Variants in LIG1 observed in about 807,000 individuals in gnomAD.
LIG1 encodes the protein DNA ligase 1.
A neutral mutation model predicts 115.7 loss-of-function variants in LIG1; 70 were observed. The ratio of observed to expected loss-of-function variants is 0.60; its 90% CI spans 0.50 to 0.74. LIG1 has a LOEUF of 0.74. Ranked by LOEUF, LIG1 falls within the 30% of genes least tolerant of loss-of-function variation. The pLI, the probability that LIG1 is intolerant of heterozygous loss-of-function variation, is 0.00. For synonymous variants in LIG1, 487 were observed against 495.3 expected (o/e 0.98, Z 0.22); for missense variants, 1,115 against 1,225.6 (o/e 0.91, Z 1.35).
intron 11 of LIG1, 26 bp downstream of exon 11, chr19:48,143,517 C>A (rs1168899411): frequency 8.6e-6 from 5 of 580,516 alleles, no homozygotes; most frequent in South Asian, 4.2e-5. Context: ...ACCCCGCCCC[C>A]CACCCAGGCA....
chr19:48,149,846 G>A lies in LIG1; in HGVS notation c.698-5C>T, dbSNP rs1216990822. ...TGACTGCTGGCTTCCGGGGGGCTAG[G>A]AATGAAGACAGAAAACAGTGGGTCT... On this transcript the variant is annotated splice_region_variant and splice_polypyrimidine_tract_variant and intron_variant, in intron 8 of 27. Coordinates refer to ENST00000263274, the MANE Select transcript of LIG1 (RefSeq NM_000234.3). 1 of 1,613,544 alleles carries A rather than the reference G, an allele frequency of 6.2e-7. No homozygotes were observed. Among genetic ancestry groups the A allele is most frequent in the South Asian group, 1.1e-5 (1 of 91,010 alleles).
Position 48,137,379 on chromosome 19 carries a change from G to A in LIG1, c.1254+143C>T. 1.9e-6 allele frequency: 2 copies of A among 1,071,870 alleles called. No individual in the cohort carries two copies. The highest frequency in any genetic ancestry group is 1.4e-5 in the South Asian group (1 of 70,172). 66.4% of individuals were successfully genotyped at this position (1,071,870 alleles called of 1,614,324 possible). On this transcript the variant is annotated intron_variant, in intron 13 of 27. Coordinates refer to ENST00000263274, the MANE Select transcript of LIG1 (RefSeq NM_000234.3). This position sits in a 1 kb window ranked among gnomAD's most constrained non-coding sequence, Gnocchi z 4.3. ...GAGACTCCCCTAGGATTGGGTGCAG[G>A]AAGGAGGAGAGGAAGCTGTGCACCC... is the stretch of plus-strand genomic sequence containing the variant.
chr19:48,125,308 C>G (rs1211608433), intron 21 of LIG1, among the ~76,000 whole-genome samples: 2 of 152,138 alleles, frequency 1.3e-5, no homozygotes, highest in Non-Finnish European at 2.9e-5. Flanking sequence ...TTGGAAAGCA[C>G]CTGATACTTG....
chr19:48,153,014 T>C (rs2035573549), intron 6 of LIG1, among the ~76,000 whole-genome samples: 1 of 151,980 alleles, frequency 6.6e-6, no homozygotes, highest in African/African-American at 2.4e-5. Flanking sequence ...TTGGTCAACA[T>C]AGTGAAACCC....
intron 9 of LIG1, among the ~76,000 whole-genome samples, chr19:48,145,241 ACT>A (rs1486651246): frequency 6.6e-6 from 1 of 151,956 alleles, no homozygotes; most frequent in Admixed American, 6.6e-5. Context: ...CCCCAGCCAA[ACT>A]CTGCATTCAG....
At chr19:48,132,215 T>C (rs956487113) in intron 18 of LIG1, among the ~76,000 whole-genome samples, 6 of 152,116 alleles carry the variant, frequency 3.9e-5, no homozygotes, top group African/African-American at 1.4e-4. Context: ...CCACTTTGCC[T>C]GCTTACCTAT....
At chr19:48,152,502 T>C (rs8100261) in intron 6 of LIG1, among the ~76,000 whole-genome samples, 96,592 of 152,052 alleles carry the variant, frequency 0.64, 32,454 homozygotes, top group East Asian at 0.87. Context: ...AAAAACCAAA[T>C]GACGTTAAAG....
chr19:48,161,644 C>A, intron 3 of LIG1, 137 bp from the exon 4 acceptor site: 15 of 1,041,568 alleles, frequency 1.4e-5, no homozygotes, highest in Non-Finnish European at 2.2e-5. Context: ...CTGGTTGTCT[C>A]CTCAGCAAAT....
chr19:48,149,134 A>C (rs1254319396), intron 9 of LIG1, among the ~76,000 whole-genome samples: 2 of 152,124 alleles, frequency 1.3e-5, no homozygotes, highest in African/African-American at 4.8e-5. Context: ...ATACGGTGAA[A>C]CTGTGTCTCT....
intron 22 of LIG1, 58 bp downstream of exon 22, chr19:48,123,116 G>T (rs573367714): frequency 1.7e-5 from 28 of 1,612,950 alleles, no homozygotes; most frequent in Admixed American, 1.5e-4. Context: ...GGGACAGGCT[G>T]GGAGGCCGGG....
At chr19:48,161,852 A>G (rs3730858) in intron 3 of LIG1, among the ~76,000 whole-genome samples, 68,171 of 135,642 alleles carry the variant, frequency 0.5, 17,718 homozygotes, top group East Asian at 0.67. Flanking sequence ...TTGAGATGGA[A>G]TCTTGCTCTG....
At chr19:48,116,272 C>G (rs911385727) in intron 26 of LIG1, 1 of 324,162 alleles carries the variant, frequency 3.1e-6, no homozygotes, top group African/African-American at 2.1e-5. Flanking sequence ...TGAAACCCCG[C>G]CTCTACTAAA....
intron 20 of LIG1, 94 bp from the exon 21 acceptor site, chr19:48,127,442 C>T (rs1207997077): frequency 1.7e-5 from 19 of 1,139,452 alleles, no homozygotes; most frequent in East Asian, 5.1e-5. Flanking sequence ...GTCTCCCTCT[C>T]GCCCCACCTA....
At chr19:48,121,351 A>AG in intron 23 of LIG1, 29 bp from the exon 24 acceptor site, 1 of 1,572,216 alleles carries the variant, frequency 6.4e-7, no homozygotes, top group Non-Finnish European at 8.6e-7. Flanking sequence ...AGAGATGAGA[A>AG]GGGGGAGCGC....
intron 4 of LIG1, among the ~76,000 whole-genome samples, chr19:48,158,753 G>C (rs990651924): frequency 2.0e-5 from 3 of 152,218 alleles, no homozygotes; most frequent in African/African-American, 7.2e-5. Context: ...CGTGGTACCT[G>C]ATCAGAGACC....
At chr19:48,123,460 G>C in intron 21 of LIG1, 142 bp from the exon 22 acceptor site, 1 of 917,378 alleles carries the variant, frequency 1.1e-6, no homozygotes, top group South Asian at 1.5e-5. Flanking sequence ...GAAGAACCCT[G>C]ATGTCAGAAG....
intron 20 of LIG1, 35 bp downstream of exon 20, chr19:48,127,874 CG>C (rs758932583): frequency 6.5e-7 from 1 of 1,540,318 alleles, no homozygotes; most frequent in Non-Finnish European, 9.0e-7. Flanking sequence ...TGAGGAAGTA[CG>C]GGGCCTTGGC....
At chr19:48,134,142 C>T in intron 16 of LIG1, 76 bp from the exon 17 acceptor site, 1 of 1,360,434 alleles carries the variant, frequency 7.4e-7, no homozygotes, top group Non-Finnish European at 1.0e-6. Context: ...GCTCGGCCTG[C>T]TCCCAGAAGC....
chr19:48,153,970 G>A lies in LIG1; in HGVS notation c.371-3C>T, dbSNP rs2035675457. 1.2e-6 allele frequency: 2 copies of A among 1,613,524 alleles called. No individual in the cohort carries two copies. Among genetic ancestry groups the A allele is most frequent in the East Asian group, 2.2e-5 (1 of 44,818 alleles). On this transcript the variant is annotated splice_region_variant and splice_polypyrimidine_tract_variant and intron_variant, in intron 5 of 27. Transcript: ENST00000263274. ...CCGTTTCGGGAGCTGCTTCCGAGCT[G>A]GGGAGGCAAAGGGCTTGGTGTATCT...
Sources: allele counts gnomAD v4.1 joint callset (sites outside exome capture counted in the v4.1 genomes callset), GRCh38; gene constraint gnomAD v4.1.1; non-coding constraint Gnocchi (gnomAD v3.1); transcripts MANE v1.5; gene names NCBI Gene and HGNC (gene_info 2026-07-23, HGNC 2026-07-21).